The following TNFAIP6 variants were observed in gnomAD, a reference collection of about 807,000 sequenced individuals.
TNFAIP6 encodes the protein TNF alpha induced protein 6.
Under a neutral mutation model 33.7 loss-of-function variants are expected in TNFAIP6, and 36 were observed. The ratio of observed to expected loss-of-function variants is 1.07; its 90% confidence interval spans 0.82 to 1.41. The LOEUF is 1.41. Ranked by LOEUF, TNFAIP6 falls within the 40% of genes most tolerant of loss-of-function variation. The pLI is 0.00. For missense variants in TNFAIP6, 273 were observed against 331.9 expected, an observed-to-expected ratio of 0.82 and a Z score of 1.38; for synonymous variants, 113 against 112.8, an observed-to-expected ratio of 1.00 and a Z score of -0.01.
At chr2:151,374,315 A>G (rs1684866845) in intron 5 of TNFAIP6, among the ~76,000 whole-genome samples, 1 of 152,202 alleles carries the variant, frequency 6.6e-6, no homozygotes, top group Non-Finnish European at 1.5e-5. Context: ...TTATCTCAAT[A>G]TGCAATATCA....
chr2:151,374,058 A>G (rs1023448372), intron 5 of TNFAIP6, among the ~76,000 whole-genome samples: 3 of 152,244 alleles, frequency 2.0e-5, no homozygotes, highest in African/African-American at 4.8e-5. Context: ...TGAGATTTAA[A>G]TAGATGTTAC....
At chr2:151,376,865 C>CTTTTTCTTTT (rs1684916537) in intron 5 of TNFAIP6, among the ~76,000 whole-genome samples, 5 of 114,160 alleles carry the variant, frequency 4.4e-5, no homozygotes, top group Non-Finnish European at 6.9e-5. Context: ...TTTTTCTTTT[C>CTTTTTCTTTT]TTTTTTTTTT....
At chr2:151,378,644 A>T (rs9677200) in intron 5 of TNFAIP6, among the ~76,000 whole-genome samples, 6 of 151,878 alleles carry the variant, frequency 4.0e-5, no homozygotes, top group Non-Finnish European at 8.8e-5. Flanking sequence ...CACGCCACCA[A>T]GCCCGGCTGA....
At chr2:151,376,418 CAAAAAAAA>C (rs34551708) in intron 5 of TNFAIP6, among the ~76,000 whole-genome samples, 3 of 114,882 alleles carry the variant, frequency 2.6e-5, no homozygotes, top group Non-Finnish European at 5.5e-5. Flanking sequence ...TATTCTGTCT[CAAAAAAAA>C]AAAAAAAAAA....
At chr2:151,373,830 C>G (rs1684855136) in intron 5 of TNFAIP6, 1 of 269,862 alleles carries the variant, frequency 3.7e-6, no homozygotes, top group Non-Finnish European at 6.8e-6. Flanking sequence ...TGTAATGTAT[C>G]TGAGAGTCTT....
At chr2:151,367,919 AAGTT>A (rs1684743519) in intron 3 of TNFAIP6, among the ~76,000 whole-genome samples, 2 of 152,140 alleles carry the variant, frequency 1.3e-5, no homozygotes, top group African/African-American at 4.8e-5. Flanking sequence ...CAATGTCACC[AAGTT>A]AGAGCTGATA....
chr2:151,360,328 A>G (rs915046993), intron 1 of TNFAIP6, among the ~76,000 whole-genome samples: 1 of 152,004 alleles, frequency 6.6e-6, no homozygotes, highest in African/African-American at 2.4e-5. Context: ...AGGAAAAGTG[A>G]CGTATCTTGA....
At chr2:151,359,283 T>A (rs540808462) in intron 1 of TNFAIP6, among the ~76,000 whole-genome samples, 1 of 152,270 alleles carries the variant, frequency 6.6e-6, no homozygotes, top group Non-Finnish European at 1.5e-5. Context: ...AAGGGATACA[T>A]CTGTTAGCAA....
At chr2:151,368,521 G>A (rs890249598) in intron 3 of TNFAIP6, 17 of 151,396 alleles carry the variant, frequency 1.1e-4, no homozygotes, top group African/African-American at 2.9e-4. Context: ...CTGAGACAGC[G>A]TTTTTGTTTT....
chr2:151,359,386 A>ATTTT (rs35150597), intron 1 of TNFAIP6, among the ~76,000 whole-genome samples: 3,114 of 130,068 alleles, frequency 0.024, 60 homozygotes, highest in Non-Finnish European at 0.033. Flanking sequence ...GCAACTCATA[A>ATTTT]TTTTTTTTTT....
intron 3 of TNFAIP6, among the ~76,000 whole-genome samples, chr2:151,368,117 T>C (rs183321197): frequency 1.3e-5 from 2 of 152,114 alleles, no homozygotes; most frequent in East Asian, 3.9e-4. Flanking sequence ...TGTACATCCT[T>C]ATGCAGACAT....
At chr2:151,359,565 T>C (rs1684590695) in intron 1 of TNFAIP6, among the ~76,000 whole-genome samples, 1 of 152,096 alleles carries the variant, frequency 6.6e-6, no homozygotes, top group Non-Finnish European at 1.5e-5. Context: ...ATTTTTTGTA[T>C]TTTTAGTAGA....
intron 1 of TNFAIP6, among the ~76,000 whole-genome samples, chr2:151,361,596 T>G (rs570227163): frequency 1.3e-3 from 193 of 152,314 alleles, no homozygotes; most frequent in African/African-American, 3.9e-3. Context: ...TAAACAGGCC[T>G]CCTGTCTCTA....
At chr2:151,362,963 A>G (rs549623960) in intron 1 of TNFAIP6, among the ~76,000 whole-genome samples, 9 of 152,172 alleles carry the variant, frequency 5.9e-5, no homozygotes, top group Non-Finnish European at 1.0e-4. Context: ...GCTTAAATCC[A>G]ACAGAAAGCC....
chr2:151,376,682 T>C (rs1304793433), intron 5 of TNFAIP6, among the ~76,000 whole-genome samples: 1 of 152,122 alleles, frequency 6.6e-6, no homozygotes, highest in Non-Finnish European at 1.5e-5. Flanking sequence ...AATAGGTCAC[T>C]GTATGGATAT....
intron 3 of TNFAIP6, among the ~76,000 whole-genome samples, chr2:151,366,945 G>C (rs1464211280): frequency 6.6e-6 from 1 of 152,052 alleles, no homozygotes; most frequent in Non-Finnish European, 1.5e-5. Context: ...AAAGTAGGCT[G>C]TTCTTTTTGG....
chr2:151,377,224 C>A (rs1357310747), intron 5 of TNFAIP6, among the ~76,000 whole-genome samples: 1 of 151,360 alleles, frequency 6.6e-6, no homozygotes, highest in African/African-American at 2.4e-5. Flanking sequence ...GGCTGGAGTG[C>A]AGTGGCAGGA....
downstream of TNFAIP6, chr2:151,380,162 G>C (rs1417828147): frequency 6.6e-6 from 1 of 152,074 alleles, no homozygotes; most frequent in African/African-American, 2.4e-5. Context: ...AGGCCTCACT[G>C]TAGTTTGAAT....
At chr2:151,371,979 TG>T (rs773035480) in intron 4 of TNFAIP6, 2 of 152,226 alleles carry the variant, frequency 1.3e-5, no homozygotes, top group Non-Finnish European at 2.9e-5. Flanking sequence ...AAAGTAGAGT[TG>T]GGGAATTAAG....
Sources: gnomAD v4.1 joint callset for allele counts (sites outside exome capture counted in the v4.1 genomes callset) on GRCh38, gnomAD v4.1.1 for gene constraint, MANE v1.5 for transcripts, NCBI Gene and HGNC (gene_info 2026-07-23, HGNC 2026-07-21) for gene names.